The following ROBO2 variants were observed in gnomAD, a reference collection of about 807,000 sequenced individuals.
ROBO2 encodes the protein roundabout homolog 2.
In ROBO2, 53 loss-of-function variants were observed where a neutral mutation model predicts 160.8. The observed-to-expected ratio is 0.33, with a 90% CI of 0.26 to 0.41. The LOEUF (loss-of-function observed/expected upper bound fraction) is 0.41. ROBO2 is among the 10% of genes least tolerant of loss of function. The probability of loss-of-function intolerance (pLI) is 1.00; values close to 1 mark genes in which losing one functional copy is unlikely to be tolerated. For missense variants in ROBO2, 1,577 were observed against 1,722.4 expected, an observed-to-expected ratio of 0.92 and a Z score of 1.49; for synonymous variants, 664 against 611.7, an observed-to-expected ratio of 1.09 and a Z score of -1.26.
chr3:77,279,889 C>A (rs2060132612), intron 2 of ROBO2, among the ~76,000 whole-genome samples: 1 of 152,262 alleles, frequency 6.6e-6, no homozygotes, highest in Non-Finnish European at 1.5e-5. Context: ...CATACACACA[C>A]AGACATTACA....
intron 2 of ROBO2, among the ~76,000 whole-genome samples, chr3:77,125,586 C>T (rs1024651030): frequency 1.3e-5 from 2 of 152,052 alleles, no homozygotes; most frequent in South Asian, 2.1e-4. Context: ...AGCTACACAT[C>T]GGTATTTATG....
At chr3:75,987,754 A>G (rs2065453518) in intron 2 of ROBO2, among the ~76,000 whole-genome samples, 1 of 151,924 alleles carries the variant, frequency 6.6e-6, no homozygotes, top group South Asian at 2.1e-4. Context: ...AGTGTTTTTG[A>G]TATGAAAGAT....
chr3:76,474,139 C>T (rs1012850488), intron 2 of ROBO2, among the ~76,000 whole-genome samples: 11 of 151,978 alleles, frequency 7.2e-5, no homozygotes, highest in Admixed American at 1.3e-4. Flanking sequence ...TATACCAGGT[C>T]GATTACATGT....
At chr3:76,268,159 A>G (rs1481816641) in intron 2 of ROBO2, among the ~76,000 whole-genome samples, 1 of 152,118 alleles carries the variant, frequency 6.6e-6, no homozygotes, top group African/African-American at 2.4e-5. Context: ...AGTCTCAGTT[A>G]CTCAGGAGAC....
intron 2 of ROBO2, chr3:75,937,695 A>G (rs1320409496): frequency 3.0e-6 from 2 of 677,046 alleles, no homozygotes; most frequent in Non-Finnish European, 4.5e-6. Context: ...CGTTTAAGCA[A>G]TTTGTTGTAA....
chr3:77,293,966 C>G (rs1161370147), intron 2 of ROBO2, among the ~76,000 whole-genome samples: 1 of 143,752 alleles, frequency 7.0e-6, no homozygotes, highest in African/African-American at 2.7e-5. Context: ...GAGGCTAGAT[C>G]ACCCCAGACA....
chr3:76,253,944 A>G (rs1022236389), intron 2 of ROBO2, among the ~76,000 whole-genome samples: 1 of 152,014 alleles, frequency 6.6e-6, no homozygotes, highest in Non-Finnish European at 1.5e-5. Flanking sequence ...TAGAAACCAT[A>G]AGACAAATTA....
chr3:77,070,804 C>T (rs2067328620), intron 1 of ROBO2, among the ~76,000 whole-genome samples: 1 of 152,070 alleles, frequency 6.6e-6, no homozygotes, highest in South Asian at 2.1e-4. Context: ...AAAGAGGTAT[C>T]TCGGGCTATT....
intron 2 of ROBO2, among the ~76,000 whole-genome samples, chr3:76,843,601 A>G (rs9822001): frequency 0.029 from 4,472 of 152,042 alleles, 171 homozygotes; most frequent in East Asian, 0.12. Flanking sequence ...CTTTGGTAGT[A>G]CTTTCAAGAT....
At chr3:76,543,373 G>A (rs2082917938) in intron 2 of ROBO2, among the ~76,000 whole-genome samples, 1 of 152,266 alleles carries the variant, frequency 6.6e-6, no homozygotes, top group South Asian at 2.1e-4. Flanking sequence ...GAGACATCCA[G>A]TAACAACATA....
chr3:76,255,894 T>TA lies in ROBO2; in HGVS notation c.109+318301dup, dbSNP rs112751606. On this transcript the variant is annotated intron_variant, in intron 2 of 26. Transcript: ENST00000487694. The stretch of plus-strand genomic sequence containing the variant: ...AGTAGATCTTATAAAAGGACACAAT[T>TA]AAAAAAAAACCACACTAAGCTTTTT... Among the ~76,000 whole-genome samples, 288 of 150,952 alleles carry TA rather than the reference T, an allele frequency of 1.9e-3. 2 individuals are homozygous for TA. The highest frequency in any genetic ancestry group is 5.0e-3 in the African/African-American group (208 of 41,196).
intron 24 of ROBO2, among the ~76,000 whole-genome samples, chr3:77,636,008 G>A (rs548812856): frequency 2.0e-5 from 3 of 152,146 alleles, no homozygotes; most frequent in East Asian, 3.9e-4. Flanking sequence ...ATCACATAGC[G>A]GAAGGGACAA....
chr3:77,154,038 A>G (rs2077759789), intron 2 of ROBO2, among the ~76,000 whole-genome samples: 1 of 152,076 alleles, frequency 6.6e-6, no homozygotes, highest in Admixed American at 6.6e-5. Context: ...AGCTTACTTC[A>G]TCTGCTACTT....
At chr3:76,083,617 A>T (rs2068910774) in intron 2 of ROBO2, among the ~76,000 whole-genome samples, 1 of 152,108 alleles carries the variant, frequency 6.6e-6, no homozygotes, top group Non-Finnish European at 1.5e-5. Context: ...CTGAGTTTAG[A>T]TTCATAGAGC....
At chr3:76,135,634 A>G (rs796192440) in intron 2 of ROBO2, among the ~76,000 whole-genome samples, 2 of 152,104 alleles carry the variant, frequency 1.3e-5, no homozygotes, top group South Asian at 2.1e-4. Context: ...CGACTGTTCT[A>G]TTATTTTCAG....
intron 2 of ROBO2, among the ~76,000 whole-genome samples, chr3:76,670,027 A>AAT (rs887882308): frequency 6.6e-6 from 1 of 152,190 alleles, no homozygotes; most frequent in Non-Finnish European, 1.5e-5. Context: ...ATTAAAGCTG[A>AAT]ATATAGTAAG....
intron 2 of ROBO2, among the ~76,000 whole-genome samples, chr3:75,996,346 C>T (rs752323186): frequency 2.6e-5 from 4 of 152,122 alleles, no homozygotes; most frequent in East Asian, 1.9e-4. Context: ...GTTTCATAAG[C>T]GTCTGGCGTT....
chr3:76,761,413 C>A (rs774601347), intron 2 of ROBO2, among the ~76,000 whole-genome samples: 1 of 151,658 alleles, frequency 6.6e-6, no homozygotes, highest in African/African-American at 2.4e-5. Context: ...TGAGCTGCCT[C>A]GCCATCCTGT....
intron 2 of ROBO2, among the ~76,000 whole-genome samples, chr3:76,987,532 A>T (rs993218995): frequency 6.6e-6 from 1 of 152,156 alleles, no homozygotes; most frequent in Non-Finnish European, 1.5e-5. Context: ...AAACCTATGT[A>T]GCAATGTATT....
Sources: gnomAD v4.1 joint callset for allele counts (sites outside exome capture counted in the v4.1 genomes callset) on GRCh38, gnomAD v4.1.1 for gene constraint, MANE v1.5 for transcripts, NCBI Gene and HGNC (gene_info 2026-07-23, HGNC 2026-07-21) for gene names.